The following MED27 variants were observed in gnomAD, a reference collection of about 807,000 sequenced individuals.
MED27 encodes mediator complex subunit 27.
In MED27, 30 loss-of-function variants were observed where a neutral mutation model predicts 38.2. The ratio of observed to expected loss-of-function variants is 0.79; its 90% CI spans 0.59 to 1.07. The LOEUF (loss-of-function observed/expected upper bound fraction) is 1.07, where lower values mean the gene tolerates loss of function less well. MED27 is among the 50% of genes least tolerant of loss of function. The pLI, the probability that MED27 is intolerant of heterozygous loss-of-function variation, is 0.00. For synonymous variants in MED27, 122 were observed against 153.5 expected (o/e 0.79, Z 1.52); for missense variants, 289 against 397.5 (o/e 0.73, Z 2.32).
At chr9:131,926,705 C>A (rs940022299) in intron 4 of MED27, among the ~76,000 whole-genome samples, 1 of 152,132 alleles carries the variant, frequency 6.6e-6, no homozygotes, top group Non-Finnish European at 1.5e-5. Flanking sequence ...TCAAAGAACT[C>A]GGGGTGGAGT....
At chr9:132,052,720 A>C (rs1233226140) in intron 2 of MED27, among the ~76,000 whole-genome samples, 1 of 118,260 alleles carries the variant, frequency 8.5e-6, no homozygotes, top group African/African-American at 3.3e-5. Flanking sequence ...CTCTGTGTCC[A>C]TGTGCACACA....
chr9:131,960,797 G>A (rs1310270401), intron 3 of MED27, among the ~76,000 whole-genome samples: 2 of 152,126 alleles, frequency 1.3e-5, no homozygotes, highest in African/African-American at 4.8e-5. Context: ...AATAAGAGAT[G>A]AGATGACACA....
At chr9:132,004,705 C>T (rs910785681) in intron 3 of MED27, among the ~76,000 whole-genome samples, 2 of 152,200 alleles carry the variant, frequency 1.3e-5, no homozygotes. Context: ...TGTCCAAATT[C>T]CACCTGGTTC....
chr9:132,042,307 G>A (rs1235679685), intron 2 of MED27, among the ~76,000 whole-genome samples: 1 of 152,210 alleles, frequency 6.6e-6, no homozygotes, highest in East Asian at 1.9e-4. Flanking sequence ...CAGTCTCATG[G>A]ACACCCTATT....
chr9:131,934,165 T>G (rs1035383801), intron 4 of MED27, among the ~76,000 whole-genome samples: 1 of 152,142 alleles, frequency 6.6e-6, no homozygotes. Flanking sequence ...CCTCAAACTA[T>G]GAAACTATTA....
chr9:131,901,747 AG>A (rs1424627054), intron 4 of MED27, among the ~76,000 whole-genome samples: 1 of 152,040 alleles, frequency 6.6e-6, no homozygotes, highest in Non-Finnish European at 1.5e-5. Flanking sequence ...TACTTTTCCT[AG>A]GGGGTCTTTC....
At chr9:132,014,238 G>T in intron 3 of MED27, 99 bp downstream of exon 3, 2 of 1,306,502 alleles carry the variant, frequency 1.5e-6, no homozygotes, top group Non-Finnish European at 2.1e-6. Flanking sequence ...GGGAGGGAGG[G>T]AATTTTGAAG....
At chr9:131,901,334 G>T (rs1385257688) in intron 4 of MED27, among the ~76,000 whole-genome samples, 2 of 152,210 alleles carry the variant, frequency 1.3e-5, no homozygotes, top group East Asian at 3.8e-4. Flanking sequence ...CAGAATCATA[G>T]AACTGTAGGC....
chr9:131,942,820 C>G (rs1408275371), intron 3 of MED27, among the ~76,000 whole-genome samples: 5 of 150,910 alleles, frequency 3.3e-5, no homozygotes, highest in Admixed American at 6.6e-5. Context: ...TGCCAACTAC[C>G]TAACTTTGCT....
At chr9:132,071,532 G>A (rs548572824) in intron 2 of MED27, among the ~76,000 whole-genome samples, 144 of 151,824 alleles carry the variant, frequency 9.5e-4, no homozygotes, top group Non-Finnish European at 1.7e-3. Flanking sequence ...ACACATGCGA[G>A]TAACACACAC....
intron 2 of MED27, among the ~76,000 whole-genome samples, chr9:132,023,933 GT>G (rs1417984312): frequency 2.0e-5 from 3 of 152,130 alleles, no homozygotes; most frequent in Admixed American, 2.0e-4. Flanking sequence ...CAACTGCATT[GT>G]CCTTTTGGGA....
rs187130066 is a variant in MED27 at position 131,886,631 on chromosome 9, T to C, written c.682-2532A>G. On this transcript the variant is annotated intron_variant, in intron 5 of 7. Transcript: ENST00000292035. ...AATTATAATGTGACAGCTCAACAAT[T>C]TGCAAGGGGAAAAGTGACATGTTAC... Among the ~76,000 whole-genome samples, 16 of 152,268 alleles carry C rather than the reference T, an allele frequency of 1.1e-4. No individual in the cohort carries two copies. In the East Asian group the frequency reaches 2.5e-3, roughly 24 times the overall value.
chr9:131,991,745 G>A (rs1002387042), intron 3 of MED27, among the ~76,000 whole-genome samples: 23 of 151,918 alleles, frequency 1.5e-4, no homozygotes, highest in Non-Finnish European at 1.9e-4. Flanking sequence ...TATTTTAGAC[G>A]GAGTCTCGCT....
At chr9:132,032,992 T>A (rs942185389) in intron 2 of MED27, among the ~76,000 whole-genome samples, 3 of 152,224 alleles carry the variant, frequency 2.0e-5, no homozygotes, top group African/African-American at 7.2e-5. Flanking sequence ...GGTAGCAACA[T>A]TTTTTCTTAT....
At chr9:131,955,184 G>A (rs1353340133) in intron 3 of MED27, among the ~76,000 whole-genome samples, 2 of 152,010 alleles carry the variant, frequency 1.3e-5, no homozygotes, top group Admixed American at 6.6e-5. Flanking sequence ...AACAACTCAC[G>A]GGTCAAAGAA....
rs547143020 is a variant in MED27, at chr9:131,987,274, T to C, written c.479+27063A>G. Reference sequence around the variant, plus strand: ...TTTTTTGTTTCTTTTACTAAGTGTATGAACAGGAAGATTTCAGAATCTGGG... The same window carrying C: ...TTTTTTGTTTCTTTTACTAAGTGTACGAACAGGAAGATTTCAGAATCTGGG... On this transcript the variant is annotated intron_variant, in intron 3 of 7. Transcript: ENST00000292035. Among the ~76,000 whole-genome samples the C allele has an allele frequency of 2.6e-5, 4 of 152,256 alleles. No homozygotes were observed. In the South Asian group the frequency reaches 8.3e-4, roughly 32 times the overall value.
rs79806579 is a variant in MED27 at position 131,893,793 on chromosome 9, T to C, written c.681+92A>G. ...GTTTGCTGATCATTTCCGCTATGAT[T>C]GCTAGTTTTTAATGCCATTCATCTG... On this transcript the variant is annotated intron_variant, in intron 5 of 7. Coordinates refer to ENST00000292035, the MANE Select transcript of MED27 (RefSeq NM_004269.4). 728 of 835,032 alleles carry C rather than the reference T, an allele frequency of 8.7e-4. 9 individuals are homozygous for C. The East Asian group carries it at 0.018, about 21-fold the overall frequency. 51.7% of individuals were successfully genotyped at this position (835,032 alleles called of 1,614,324 possible). A position where few individuals can be genotyped will look rare whatever the true frequency, so the allele number is the denominator to read the frequency against.
chr9:132,067,914 G>A (rs543521440), intron 2 of MED27, among the ~76,000 whole-genome samples: 4 of 152,236 alleles, frequency 2.6e-5, no homozygotes, highest in East Asian at 3.9e-4. Context: ...GGGTTTCACC[G>A]TGTTAGCCAG....
At chr9:132,073,780 A>G in intron 2 of MED27, 1 of 1,498,678 alleles carries the variant, frequency 6.7e-7, no homozygotes, top group South Asian at 1.3e-5. Context: ...AAAAAAAAAA[A>G]GGTAGCAGCA....
Sources: gnomAD v4.1 joint callset for allele counts (sites outside exome capture counted in the v4.1 genomes callset) on GRCh38, gnomAD v4.1.1 for gene constraint, MANE v1.5 for transcripts, NCBI Gene and HGNC (gene_info 2026-07-23, HGNC 2026-07-21) for gene names.